ENOX1: variants seen among roughly 807,000 people sequenced by gnomAD.
ENOX1 encodes candidate growth-related and time keeping constitutive hydroquinone (NADH) oxidase.
ENOX1 carries 42 observed loss-of-function variants against 82.5 expected under a neutral mutation model. That is an observed-to-expected ratio of 0.51 (90% CI 0.40 to 0.66). ENOX1 has a LOEUF of 0.66. Ranked by LOEUF, ENOX1 falls within the 30% of genes least tolerant of loss-of-function variation. The pLI, the probability that ENOX1 is intolerant of heterozygous loss-of-function variation, is 0.00. For synonymous variants in ENOX1, 271 were observed against 282.2 expected, an observed-to-expected ratio of 0.96 and a Z score of 0.40; for missense variants, 608 against 811.6, an observed-to-expected ratio of 0.75 and a Z score of 3.05.
Position 43,259,726 on chromosome 13 carries a change from G to A in ENOX1, c.1611+5672C>T, listed in dbSNP as rs146441933. ...CCTGACCTCGTGATCCACCCACCTC[G>A]GCCTCCCAAAGTGCTGGGATTACAG... On this transcript the variant is annotated intron_variant, in intron 14 of 16. Coordinates refer to ENST00000690772, the MANE Select transcript of ENOX1 (RefSeq NM_001347969.2). Among the ~76,000 whole-genome samples, 270 of 152,222 alleles carry A rather than the reference G, an allele frequency of 1.8e-3. 1 individual carries two copies. The highest frequency in any genetic ancestry group is 6.2e-3 in the African/African-American group (258 of 41,524).
At chr13:43,285,560 A>G (rs950686832) in intron 12 of ENOX1, among the ~76,000 whole-genome samples, 1 of 151,830 alleles carries the variant, frequency 6.6e-6, no homozygotes, top group South Asian at 2.1e-4. Context: ...TATAAGAAGG[A>G]TTTTTTTTGC....
chr13:43,327,422 T>C (rs1199477238), intron 9 of ENOX1, among the ~76,000 whole-genome samples: 1 of 152,150 alleles, frequency 6.6e-6, no homozygotes, highest in African/African-American at 2.4e-5. Context: ...CAAAACTACA[T>C]AGACAAAGGC....
intron 14 of ENOX1, among the ~76,000 whole-genome samples, chr13:43,257,407 C>T (rs181794086): frequency 4.6e-5 from 7 of 152,128 alleles, no homozygotes; most frequent in Admixed American, 2.0e-4. Context: ...CCTGAAAATA[C>T]GTACATCTAT....
chr13:43,315,375 C>T (rs1227591828), intron 11 of ENOX1, among the ~76,000 whole-genome samples: 3 of 152,060 alleles, frequency 2.0e-5, no homozygotes, highest in African/African-American at 7.2e-5. Context: ...AAGGGTAATC[C>T]GTTTTTCAAA....
chr13:43,410,376 C>T (rs1043655067), intron 5 of ENOX1, among the ~76,000 whole-genome samples: 1 of 151,986 alleles, frequency 6.6e-6, no homozygotes, highest in Non-Finnish European at 1.5e-5. Flanking sequence ...ATGTTCAAGC[C>T]ATAGAAAATG....
chr13:43,779,363 G>A (rs1307798217), intron 1 of ENOX1, among the ~76,000 whole-genome samples: 1 of 152,168 alleles, frequency 6.6e-6, no homozygotes, highest in East Asian at 1.9e-4. Flanking sequence ...GGCTATGACT[G>A]TGGGTAACTG....
rs907619337 is a variant in ENOX1 at position 43,622,879 on chromosome 13, C to A, written c.-219+44600G>T. Among the ~76,000 whole-genome samples the A allele has an allele frequency of 5.3e-4, 80 of 151,988 alleles. 1 individual carries two copies. The highest frequency in any genetic ancestry group is 1.8e-3 in the African/African-American group (75 of 41,458). Reference sequence around the variant, plus strand: ...GGTGGGTAGGGAAGGACCATTAGGTCGGGGCAGGGCTAGGCATGTCTGAGC... The same window carrying A: ...GGTGGGTAGGGAAGGACCATTAGGTAGGGGCAGGGCTAGGCATGTCTGAGC... On this transcript the variant is annotated intron_variant, in intron 2 of 16. Coordinates refer to ENST00000690772, the MANE Select transcript of ENOX1 (RefSeq NM_001347969.2).
At chr13:43,606,114 T>C (rs1049863951) in intron 2 of ENOX1, among the ~76,000 whole-genome samples, 14 of 152,296 alleles carry the variant, frequency 9.2e-5, no homozygotes, top group African/African-American at 2.9e-4. Flanking sequence ...TGAGATATCA[T>C]GTCACCCCAG....
chr13:43,688,226 C>T (rs1446200692), intron 1 of ENOX1, among the ~76,000 whole-genome samples: 1 of 151,984 alleles, frequency 6.6e-6, no homozygotes, highest in Non-Finnish European at 1.5e-5. Flanking sequence ...AGTAGACCTT[C>T]AACATTTCCT....
At chr13:43,480,344 T>C (rs965642784) in intron 3 of ENOX1, among the ~76,000 whole-genome samples, 3 of 152,214 alleles carry the variant, frequency 2.0e-5, no homozygotes, top group Non-Finnish European at 4.4e-5. Flanking sequence ...ATAGATGATT[T>C]TCAATGTTCC....
intron 3 of ENOX1, among the ~76,000 whole-genome samples, chr13:43,471,947 A>G (rs962941999): frequency 2.0e-5 from 3 of 152,072 alleles, no homozygotes; most frequent in Admixed American, 2.0e-4. Context: ...AACTATTTGG[A>G]ATAGTTAAAC....
At chr13:43,440,272 T>C (rs953112864) in intron 3 of ENOX1, among the ~76,000 whole-genome samples, 7 of 152,040 alleles carry the variant, frequency 4.6e-5, no homozygotes, top group Admixed American at 6.6e-5. Flanking sequence ...AACCACTAAA[T>C]GAATGAAAAG....
At chr13:43,354,454 C>T (rs1193798752) in intron 8 of ENOX1, among the ~76,000 whole-genome samples, 1 of 151,088 alleles carries the variant, frequency 6.6e-6, no homozygotes, top group African/African-American at 2.4e-5. Flanking sequence ...GGAAGCACAG[C>T]ACCCCCGCTG....
chr13:43,410,141 G>GA (rs1406620609), intron 5 of ENOX1, among the ~76,000 whole-genome samples: 2 of 152,114 alleles, frequency 1.3e-5, no homozygotes, highest in African/African-American at 2.4e-5. Context: ...AAAATTACAA[G>GA]AAAAAATAAT....
intron 2 of ENOX1, among the ~76,000 whole-genome samples, chr13:43,642,930 C>T (rs1490327850): frequency 1.3e-5 from 2 of 152,192 alleles, no homozygotes; most frequent in East Asian, 1.9e-4. Flanking sequence ...TATTTGTGTC[C>T]ATGATCATAC....
chr13:43,372,173 T>C (rs1249211961), intron 5 of ENOX1, among the ~76,000 whole-genome samples: 1 of 152,200 alleles, frequency 6.6e-6, no homozygotes, highest in Non-Finnish European at 1.5e-5. Context: ...AAATGACATG[T>C]GGTATTCTTT....
At chr13:43,334,576 C>G (rs1325246881) in intron 9 of ENOX1, among the ~76,000 whole-genome samples, 1 of 152,040 alleles carries the variant, frequency 6.6e-6, no homozygotes, top group East Asian at 1.9e-4. Flanking sequence ...TTAAAGGACC[C>G]CTTGGCTGAA....
At chr13:43,590,471 A>T (rs541890912) in intron 2 of ENOX1, among the ~76,000 whole-genome samples, 1 of 152,296 alleles carries the variant, frequency 6.6e-6, no homozygotes, top group South Asian at 2.1e-4. Flanking sequence ...AAAGGATGTT[A>T]CATAGAATAC....
chr13:43,626,072 C>G (rs1380677247), intron 2 of ENOX1, among the ~76,000 whole-genome samples: 2 of 151,744 alleles, frequency 1.3e-5, no homozygotes, highest in African/African-American at 4.8e-5. Flanking sequence ...GTTGTGGTAG[C>G]CTGTGTTTTT....
Sources: gnomAD v4.1 joint callset for allele counts (sites outside exome capture counted in the v4.1 genomes callset) on GRCh38, gnomAD v4.1.1 for gene constraint, MANE v1.5 for transcripts, NCBI Gene and HGNC (gene_info 2026-07-23, HGNC 2026-07-21) for gene names.